UGT3A2: variants seen among roughly 807,000 people sequenced by gnomAD.
The protein encoded by UGT3A2 is UDP-glycosyltransferase 3A2.
UGT3A2 carries 32 observed loss-of-function variants against 39.8 expected under a neutral mutation model. The ratio of observed to expected loss-of-function variants is 0.80; its 90% CI spans 0.61 to 1.08. The LOEUF is 1.08. Among genes scored for constraint, UGT3A2 ranks in the 50% least tolerant of loss-of-function variants. The probability of loss-of-function intolerance (pLI) is 0.00; values close to 1 mark genes in which losing one functional copy is unlikely to be tolerated. For missense variants in UGT3A2, 611 were observed against 637.1 expected, an observed-to-expected ratio of 0.96 and a Z score of 0.44; for synonymous variants, 241 against 230.7, an observed-to-expected ratio of 1.04 and a Z score of -0.40.
rs373702242 is a variant in UGT3A2, at chr5:36,066,688, G to T, written c.94+8C>A. ...GCCTGTCTGGGAATTCTCCGGCCAA[G>T]CACTCACCTACTGTAGATATTGTCA... On this transcript the variant is annotated splice_region_variant and intron_variant, in intron 1 of 6. Transcript: ENST00000282507. 5.0e-6 allele frequency: 8 copies of T among 1,613,948 alleles called. No individual in the cohort carries two copies. The Admixed American group carries it at 6.7e-5, about 13-fold the overall frequency.
chr5:36,035,830 C>A lies in UGT3A2; in HGVS notation c.1440G>T (p.Trp480Cys). The A allele has an allele frequency of 6.2e-7, 1 of 1,614,198 alleles. No individual in the cohort carries two copies. Among genetic ancestry groups the A allele is most frequent in the Non-Finnish European group, 8.5e-7 (1 of 1,180,048 alleles). ...AAACGTCGAGCAGGTACTGCTCATGCCAGGGCTGCTGAAAGACATAGGGCT... is the reference window on the plus strand; with the variant it reads ...AAACGTCGAGCAGGTACTGCTCATGACAGGGCTGCTGAAAGACATAGGGCT... ...HLKPYVFQQP[W>C]HEQYLLDVFV... The change falls in exon 7 of 7, where the codon TGG (tryptophan) becomes TGT (cysteine). Residue 480 changes from tryptophan (W) to cysteine (C), a missense_variant. Trp to Cys is a radical substitution (Grantham distance 215, BLOSUM62 -2). Transcript: ENST00000282507.
In UGT3A2 at chr5:36,038,013, T is replaced by C. The variant is rs1741886600; in HGVS notation, c.1079A>G (p.His360Arg). 1.3e-6 allele frequency: 2 copies of C among 1,589,202 alleles called. No homozygotes were observed. The highest frequency in any genetic ancestry group is 1.7e-6 in the Non-Finnish European group (2 of 1,171,672). The change falls in exon 6 of 7, where the codon CAC becomes CGC. Residue 360 changes from histidine (H) to arginine (R), a missense_variant. By Grantham distance (29) the His-to-Arg change is conservative (BLOSUM62 0). Transcript: ENST00000282507. ...DWLPQSDLLAHPSIRLFVTHG... is the reference protein window; with the variant it reads ...DWLPQSDLLARPSIRLFVTHG... ...GGTGACAAACAGACGGATGCTTGGG[T>C]GAGCTGTTGTAAATAAGAAAGAGGG...
chr5:36,045,208 C>A (rs1446503285), intron 4 of UGT3A2, among the ~76,000 whole-genome samples: 1 of 151,994 alleles, frequency 6.6e-6, no homozygotes, highest in East Asian at 1.9e-4. Context: ...TTATTTTTGA[C>A]AAGGGTGCCA....
chr5:36,064,428 G>A, intron 1 of UGT3A2, 78 bp from the exon 2 acceptor site: 2 of 1,213,678 alleles, frequency 1.6e-6, no homozygotes, highest in Admixed American at 3.7e-5. Context: ...ATCCAGGAGA[G>A]GAAAGGTAAG....
intron 4 of UGT3A2, among the ~76,000 whole-genome samples, chr5:36,041,571 T>C (rs1207219903): frequency 6.6e-6 from 1 of 152,066 alleles, no homozygotes; most frequent in Non-Finnish European, 1.5e-5. Flanking sequence ...TATGGGAAAG[T>C]AAGGGAAGAG....
At chr5:36,039,813 C>T in intron 4 of UGT3A2, 105 bp from the exon 5 acceptor site, 1 of 854,006 alleles carries the variant, frequency 1.2e-6, no homozygotes, top group Admixed American at 2.2e-5. Context: ...GCCCTGTCCT[C>T]ACTGTCCCAA....
chr5:36,037,333 T>C (rs1480818677), intron 6 of UGT3A2, among the ~76,000 whole-genome samples: 1 of 152,160 alleles, frequency 6.6e-6, no homozygotes. Flanking sequence ...TACTCAGGAC[T>C]GTCAGAGGCG....
chr5:36,052,387 C>T (rs1742372259), intron 2 of UGT3A2, among the ~76,000 whole-genome samples: 1 of 152,164 alleles, frequency 6.6e-6, no homozygotes, highest in African/African-American at 2.4e-5. Context: ...TACTAAAAGA[C>T]TTCATTAATA....
intron 1 of UGT3A2, 41 bp downstream of exon 1, chr5:36,066,655 C>T (rs758369822): frequency 4.3e-6 from 7 of 1,612,762 alleles, no homozygotes; most frequent in Non-Finnish European, 3.4e-6. Context: ...TGCGAGTATC[C>T]GGGACGCGCC....
At chr5:36,048,519 C>T (rs1011371116) in intron 4 of UGT3A2, among the ~76,000 whole-genome samples, 1 of 152,192 alleles carries the variant, frequency 6.6e-6, no homozygotes, top group Admixed American at 6.5e-5. Flanking sequence ...CAGCTTATCT[C>T]CTTAACAATT....
intron 3 of UGT3A2, 106 bp downstream of exon 3, chr5:36,051,764 A>G (rs1742350806): frequency 2.4e-6 from 2 of 821,776 alleles, no homozygotes; most frequent in Non-Finnish European, 1.9e-6. Context: ...CCATCCATCC[A>G]TTCGTCACTT....
intron 4 of UGT3A2, among the ~76,000 whole-genome samples, chr5:36,046,952 G>C (rs1475800195): frequency 2.0e-5 from 3 of 152,158 alleles, no homozygotes; most frequent in Non-Finnish European, 4.4e-5. Context: ...AAGCCAAAGA[G>C]AAAAGTCAAG....
chr5:36,048,698 A>T (rs1005127905), intron 4 of UGT3A2, among the ~76,000 whole-genome samples, 191 bp downstream of exon 4: 4 of 152,214 alleles, frequency 2.6e-5, no homozygotes, highest in African/African-American at 9.6e-5. Context: ...CCTTGATCTC[A>T]GGATGGTGCA....
intron 1 of UGT3A2, 49 bp from the exon 2 acceptor site, chr5:36,064,399 C>A: frequency 6.7e-7 from 1 of 1,500,246 alleles, no homozygotes; most frequent in South Asian, 1.1e-5. Flanking sequence ...AATACAGTGT[C>A]TGAAGTCAGT....
chr5:36,035,355 C>T lies in UGT3A2; in HGVS notation c.*343G>A, dbSNP rs964603958. ...AGGCTGGAAGAGTCAGGGTGTGATTCGGAGAGGCGCATGAGAAGGAAGGTG... is the reference window on the plus strand; with the variant it reads ...AGGCTGGAAGAGTCAGGGTGTGATTTGGAGAGGCGCATGAGAAGGAAGGTG... On this transcript the variant is annotated 3_prime_UTR_variant, in exon 7 of 7. Coordinates refer to ENST00000282507, the MANE Select transcript of UGT3A2 (RefSeq NM_174914.4). The T allele has an allele frequency of 1.1e-4, 32 of 300,936 alleles. No individual in the cohort carries two copies. Among genetic ancestry groups the T allele is most frequent in the African/African-American group, 1.7e-4 (8 of 47,038 alleles). 18.6% of individuals were successfully genotyped at this position (300,936 alleles called of 1,614,324 possible).
At chr5:36,038,813 A>C (rs1741913469) in intron 5 of UGT3A2, among the ~76,000 whole-genome samples, 1 of 152,184 alleles carries the variant, frequency 6.6e-6, no homozygotes. Context: ...TTCGTTGTGA[A>C]TCTCTGCTCT....
At chr5:36,044,066 G>T (rs1309997766) in intron 4 of UGT3A2, among the ~76,000 whole-genome samples, 1 of 152,004 alleles carries the variant, frequency 6.6e-6, no homozygotes, top group Non-Finnish European at 1.5e-5. Flanking sequence ...TATCTCTGAT[G>T]AATATTAAGG....
At chr5:36,037,158 C>T (rs774156609) in intron 6 of UGT3A2, among the ~76,000 whole-genome samples, 2 of 152,058 alleles carry the variant, frequency 1.3e-5, no homozygotes, top group Non-Finnish European at 1.5e-5. Flanking sequence ...CCCAGCTACT[C>T]GGGAGGCTGA....
intron 4 of UGT3A2, among the ~76,000 whole-genome samples, chr5:36,042,088 T>C (rs1437510312): frequency 6.6e-6 from 1 of 151,986 alleles, no homozygotes; most frequent in Non-Finnish European, 1.5e-5. Flanking sequence ...AAAGTAGAAA[T>C]TCTGGAGTTG....
Sources: allele counts gnomAD v4.1 joint callset (sites outside exome capture counted in the v4.1 genomes callset), GRCh38; gene constraint gnomAD v4.1.1; transcripts MANE v1.5; gene names NCBI Gene and HGNC (gene_info 2026-07-23, HGNC 2026-07-21).